Variants in LINGO2 observed in about 807,000 individuals in gnomAD.
The protein encoded by LINGO2 is leucine rich repeat and Ig domain containing 2, also known as leucine-rich repeat and immunoglobulin-like domain-containing nogo receptor-interacting protein 2.
In LINGO2, 14 loss-of-function variants were observed where a neutral mutation model predicts 30.6. That is an observed-to-expected ratio of 0.46 (90% CI 0.30 to 0.72). The LOEUF (loss-of-function observed/expected upper bound fraction) is 0.72, where lower values mean the gene tolerates loss of function less well. Ranked by LOEUF, LINGO2 falls within the 30% of genes least tolerant of loss-of-function variation. The pLI is 0.07. For synonymous variants in LINGO2, 317 were observed against 288.5 expected (o/e 1.10, Z -1.00); for missense variants, 729 against 751.7 (o/e 0.97, Z 0.35).
At chr9:28,908,154 CAT>C in the LINGO2 span, among the ~76,000 whole-genome samples, 4 of 67,160 alleles carry the variant, frequency 6.0e-5, no homozygotes, top group East Asian at 1.2e-3. Context: ...CACACACACA[CAT>C]ACACACACAC....
At chr9:28,790,246 G>T in the LINGO2 span, among the ~76,000 whole-genome samples, 9 of 151,388 alleles carry the variant, frequency 5.9e-5, no homozygotes, top group Admixed American at 5.9e-4. Flanking sequence ...ATCATTACGA[G>T]GTCAATAGTA....
chr9:28,920,013 A>G, the LINGO2 span, among the ~76,000 whole-genome samples: 1 of 152,136 alleles, frequency 6.6e-6, no homozygotes, highest in African/African-American at 2.4e-5. Flanking sequence ...TAGTTTATTA[A>G]CCAGTCCTCT....
chr9:28,891,480 G>GA, the LINGO2 span, among the ~76,000 whole-genome samples: 34 of 148,374 alleles, frequency 2.3e-4, no homozygotes, highest in African/African-American at 4.8e-4. Flanking sequence ...AATTTCTGGA[G>GA]AAAAAAAAAA....
chr9:28,424,960 G>C (rs1402713886), intron 2 of LINGO2, among the ~76,000 whole-genome samples: 1 of 151,974 alleles, frequency 6.6e-6, no homozygotes, highest in Non-Finnish European at 1.5e-5. Context: ...GTAAAATAAG[G>C]ATAGTAATAC....
At chr9:29,182,338 T>C in the LINGO2 span, among the ~76,000 whole-genome samples, 1 of 152,024 alleles carries the variant, frequency 6.6e-6, no homozygotes, top group Admixed American at 6.5e-5. Context: ...AACCAAGATG[T>C]AGGATCCAAG....
chr9:28,331,046 A>C (rs1210950676), intron 3 of LINGO2, among the ~76,000 whole-genome samples: 1 of 152,024 alleles, frequency 6.6e-6, no homozygotes, highest in Admixed American at 6.5e-5. Context: ...TTTTAAAAAC[A>C]ATGTTTCAAA....
chr9:28,460,402 C>T (rs1023950140), intron 2 of LINGO2, among the ~76,000 whole-genome samples: 13 of 152,172 alleles, frequency 8.5e-5, no homozygotes, highest in African/African-American at 2.6e-4. Flanking sequence ...ATTAGCAAAA[C>T]GTAGCTTATG....
intron 1 of LINGO2, among the ~76,000 whole-genome samples, chr9:28,545,952 C>T (rs1445763094): frequency 6.6e-6 from 1 of 152,026 alleles, no homozygotes; most frequent in African/African-American, 2.4e-5. Context: ...ATACAGTTTT[C>T]TGTAGAAAAT....
chr9:28,962,115 TACTGA>T, the LINGO2 span, among the ~76,000 whole-genome samples: 1 of 152,164 alleles, frequency 6.6e-6, no homozygotes, highest in East Asian at 1.9e-4. Flanking sequence ...ATAAACACAA[TACTGA>T]AGGTAGGGTG....
rs73645637 is a variant in LINGO2 at position 28,299,855 on chromosome 9, A to G, written c.-245-4489T>C. ...CATATTAGAGGCTACTCAGATCTCA[A>G]TAGGGTCTGGAAAAGCATTTAAACC... On this transcript the variant is annotated intron_variant, in intron 3 of 5. Coordinates refer to ENST00000379992, the Ensembl canonical transcript of LINGO2. Among the ~76,000 whole-genome samples, 446 of 152,286 alleles carry G rather than the reference A, an allele frequency of 2.9e-3. 3 individuals carry two copies. Among genetic ancestry groups the G allele is most frequent in the African/African-American group, 0.01 (428 of 41,568 alleles).
At chr9:28,906,315 AAAGT>A in the LINGO2 span, among the ~76,000 whole-genome samples, 155 of 152,074 alleles carry the variant, frequency 1.0e-3, no homozygotes, top group African/African-American at 3.5e-3. Flanking sequence ...ATCACTACAA[AAAGT>A]AAGTATGTGA....
rs77760899 is a variant in LINGO2 at position 28,647,711 on chromosome 9, A to C, written c.-365+22489T>G. ...TATCTTGCCCTTCAGGGATTCAAAAATAACTAGCCTTTGAAATCTATGCTT... is the reference window on the plus strand; with the variant it reads ...TATCTTGCCCTTCAGGGATTCAAAACTAACTAGCCTTTGAAATCTATGCTT... On this transcript the variant is annotated intron_variant, in intron 1 of 5. Coordinates refer to ENST00000379992, the Ensembl canonical transcript of LINGO2. Among the ~76,000 whole-genome samples, 1,417 of 152,154 alleles carry C rather than the reference A, an allele frequency of 9.3e-3. 28 individuals carry two copies. The highest frequency in any genetic ancestry group is 0.08 in the East Asian group (411 of 5,164).
chr9:28,264,396 AAGAAATAC>A (rs1213420029), intron 4 of LINGO2, among the ~76,000 whole-genome samples: 3 of 152,134 alleles, frequency 2.0e-5, no homozygotes, highest in Non-Finnish European at 2.9e-5. Context: ...CTCTTAATAA[AAGAAATAC>A]AATGGCTTTA....
chr9:28,035,126 T>G (rs370698178), intron 4 of LINGO2, among the ~76,000 whole-genome samples: 1 of 152,232 alleles, frequency 6.6e-6, no homozygotes, highest in Non-Finnish European at 1.5e-5. Flanking sequence ...ACCTACACTC[T>G]AGAAAAATCA....
chr9:28,434,587 C>T (rs1452122825), intron 2 of LINGO2, among the ~76,000 whole-genome samples: 1 of 151,392 alleles, frequency 6.6e-6, no homozygotes, highest in Non-Finnish European at 1.5e-5. Context: ...TTTTATCCTT[C>T]CTGTAATTGG....
intron 1 of LINGO2, among the ~76,000 whole-genome samples, chr9:28,668,283 A>G (rs1004478679): frequency 2.0e-5 from 3 of 152,056 alleles, no homozygotes; most frequent in African/African-American, 7.2e-5. Flanking sequence ...AAGAAAAGGA[A>G]CCAGTGCTGT....
the LINGO2 span, among the ~76,000 whole-genome samples, chr9:28,948,349 G>A: frequency 0.16 from 24,920 of 151,952 alleles, 2,058 homozygotes; most frequent in South Asian, 0.2. Flanking sequence ...ACATTTATCT[G>A]TTTCCATTCA....
At chr9:28,045,872 T>TC (rs892772038) in intron 4 of LINGO2, among the ~76,000 whole-genome samples, 3 of 152,200 alleles carry the variant, frequency 2.0e-5, no homozygotes, top group East Asian at 1.9e-4. Context: ...ACAATGTTCT[T>TC]CCCATCTACT....
At chr9:28,891,728 CTTA>C in the LINGO2 span, among the ~76,000 whole-genome samples, 1 of 151,804 alleles carries the variant, frequency 6.6e-6, no homozygotes, top group Admixed American at 6.6e-5. Context: ...CTTTCTGCTA[CTTA>C]TTATTATCAA....
Sources: gnomAD v4.1 joint callset for allele counts (sites outside exome capture counted in the v4.1 genomes callset) on GRCh38, gnomAD v4.1.1 for gene constraint, MANE v1.5 for transcripts, NCBI Gene and HGNC (gene_info 2026-07-23, HGNC 2026-07-21) for gene names.